The following FOXJ3 variants were observed in gnomAD, a reference collection of about 807,000 sequenced individuals.
The protein encoded by FOXJ3 is forkhead box J3.
A neutral mutation model predicts 76.1 loss-of-function variants in FOXJ3; 22 were observed. The observed-to-expected ratio is 0.29, with a 90% CI of 0.21 to 0.41. The LOEUF (loss-of-function observed/expected upper bound fraction) is 0.41. FOXJ3 is among the 10% of genes least tolerant of loss of function. The probability of loss-of-function intolerance (pLI) is 1.00; values close to 1 mark genes in which losing one functional copy is unlikely to be tolerated. For synonymous variants in FOXJ3, 269 were observed against 261.2 expected (o/e 1.03, Z -0.29); for missense variants, 613 against 762.1 (o/e 0.80, Z 2.30).
chr1:42,244,490 C>T (rs1649386254), intron 4 of FOXJ3, among the ~76,000 whole-genome samples: 2 of 152,042 alleles, frequency 1.3e-5, no homozygotes, highest in South Asian at 4.1e-4. Flanking sequence ...TCCCTCCAGA[C>T]TGGGCAATAC....
chr1:42,180,576 C>G (rs765134292), intron 12 of FOXJ3, among the ~76,000 whole-genome samples: 4 of 152,032 alleles, frequency 2.6e-5, no homozygotes, highest in Non-Finnish European at 5.9e-5. Flanking sequence ...GGAAGTTTTA[C>G]TGGATTTTTT....
intron 2 of FOXJ3, among the ~76,000 whole-genome samples, chr1:42,292,075 G>A (rs908638552): frequency 6.6e-6 from 1 of 152,034 alleles, no homozygotes; most frequent in Non-Finnish European, 1.5e-5. Flanking sequence ...CCCTGAGGAG[G>A]GGGGTGCAAG....
In FOXJ3 at chr1:42,187,371, G is replaced by A. The variant is rs553674529; in HGVS notation, c.1645+1366C>T. Among the ~76,000 whole-genome samples the A allele has an allele frequency of 2.6e-5, 4 of 152,228 alleles. No individual in the cohort carries two copies. The South Asian group carries it at 8.3e-4, about 32-fold the overall frequency. ...GACAGCACTCAGAAGCAACAATTTT[G>A]GATGAACACAGAAAGAAAAGAGGAA... On this transcript the variant is annotated intron_variant, in intron 11 of 12. Transcript: ENST00000361346.
In FOXJ3 at chr1:42,317,250, T is replaced by G. The variant is rs368905245; in HGVS notation, c.-17-6140A>C. 2.6e-5 allele frequency among the ~76,000 whole-genome samples: 4 copies of G among 152,164 alleles called. No individual in the cohort carries two copies. In the East Asian group the frequency reaches 7.7e-4, roughly 29 times the overall value. ...TTATACCATTAGTAACAGGTAATCATTAAAGCAGTCACAAAAATAATCTGT... is the reference window on the plus strand; with the variant it reads ...TTATACCATTAGTAACAGGTAATCAGTAAAGCAGTCACAAAAATAATCTGT... On this transcript the variant is annotated intron_variant, in intron 1 of 12. Coordinates refer to ENST00000361346, the MANE Select transcript of FOXJ3 (RefSeq NM_014947.5).
At chr1:42,317,356 T>C (rs1655174386) in intron 1 of FOXJ3, among the ~76,000 whole-genome samples, 1 of 152,124 alleles carries the variant, frequency 6.6e-6, no homozygotes, top group South Asian at 2.1e-4. Flanking sequence ...AAGCAATCAG[T>C]TGTTCATCCC....
chr1:42,217,827 C>A (rs969941191), intron 5 of FOXJ3, among the ~76,000 whole-genome samples: 1 of 152,132 alleles, frequency 6.6e-6, no homozygotes, highest in Admixed American at 6.6e-5. Context: ...CCCAAAACTC[C>A]TCAACTTATA....
chr1:42,333,889 T>C (rs1656305499), intron 1 of FOXJ3, among the ~76,000 whole-genome samples: 1 of 152,218 alleles, frequency 6.6e-6, no homozygotes, highest in Non-Finnish European at 1.5e-5. Flanking sequence ...ATAACGCTCC[T>C]ATGACATCAC....
At chr1:42,202,374 C>T (rs672072) in intron 6 of FOXJ3, among the ~76,000 whole-genome samples, 40,642 of 151,726 alleles carry the variant, frequency 0.27, 5,635 homozygotes, top group African/African-American at 0.34. Context: ...ATTTCTGGGT[C>T]AGTTGTGACT....
In FOXJ3 at chr1:42,263,735, A is replaced by C. The variant is rs1651240922; in HGVS notation, c.444+1380T>G. 2.6e-5 allele frequency among the ~76,000 whole-genome samples: 4 copies of C among 152,152 alleles called. No homozygotes were observed. The South Asian group carries it at 8.3e-4, about 32-fold the overall frequency. ...CTTCATCTCTAACTTCAAGAAGTTAACAGTCTAACAGAGGATACAGTATAT... is the reference window on the plus strand; with the variant it reads ...CTTCATCTCTAACTTCAAGAAGTTACCAGTCTAACAGAGGATACAGTATAT... On this transcript the variant is annotated intron_variant, in intron 4 of 12. Transcript: ENST00000361346.
intron 4 of FOXJ3, among the ~76,000 whole-genome samples, chr1:42,245,497 G>C (rs1374556308): frequency 6.6e-6 from 1 of 152,126 alleles, no homozygotes; most frequent in African/African-American, 2.4e-5. Context: ...TTACCCCAGG[G>C]ATAGAAGAAT....
chr1:42,315,228 T>C (rs1453456092), intron 1 of FOXJ3: 2 of 164,022 alleles, frequency 1.2e-5, no homozygotes, highest in African/African-American at 2.4e-5. Flanking sequence ...GGTTTCTTTT[T>C]AGAGTGATGA....
In FOXJ3 at chr1:42,235,880, G is replaced by A. The variant is rs762299671; in HGVS notation, c.445-7914C>T. On this transcript the variant is annotated intron_variant, in intron 4 of 12. Transcript: ENST00000361346. ...TTTTCTGATTTTTTGTAGAAATGGG[G>A]TCTCATCATGTTGCCCAGGTTGGTC... Among the ~76,000 whole-genome samples, 51 of 152,112 alleles carry A rather than the reference G, an allele frequency of 3.4e-4. 1 individual carries two copies. Among genetic ancestry groups the A allele is most frequent in the Middle Eastern group, 6.8e-3 (2 of 294 alleles).
At chr1:42,230,338 A>G (rs1306983619) in intron 4 of FOXJ3, among the ~76,000 whole-genome samples, 1 of 152,176 alleles carries the variant, frequency 6.6e-6, no homozygotes, top group Non-Finnish European at 1.5e-5. Flanking sequence ...TGATCAAAAA[A>G]AACAGAAAAT....
At chr1:42,334,756 T>A (rs536761498) in intron 1 of FOXJ3, among the ~76,000 whole-genome samples, 112 of 151,290 alleles carry the variant, frequency 7.4e-4, no homozygotes, top group African/African-American at 2.5e-3. Context: ...GATCCACGTC[T>A]GGTTCCCCGG....
intron 4 of FOXJ3, among the ~76,000 whole-genome samples, chr1:42,256,320 A>T (rs1291836993): frequency 6.6e-6 from 1 of 152,232 alleles, no homozygotes; most frequent in Non-Finnish European, 1.5e-5. Context: ...CATTTAAACA[A>T]CAGAAATCTA....
intron 2 of FOXJ3, among the ~76,000 whole-genome samples, chr1:42,306,200 T>A (rs1654452446): frequency 6.6e-6 from 1 of 151,584 alleles, no homozygotes; most frequent in Non-Finnish European, 1.5e-5. Context: ...AGGATTCAAA[T>A]CCATCTTATC....
At chr1:42,222,501 T>G (rs140403348) in intron 5 of FOXJ3, among the ~76,000 whole-genome samples, 2 of 152,258 alleles carry the variant, frequency 1.3e-5, no homozygotes, top group African/African-American at 4.8e-5. Context: ...CCTGCTTGAG[T>G]GAGGAGAGGG....
At chr1:42,196,493 G>C (rs557524298) in intron 7 of FOXJ3, among the ~76,000 whole-genome samples, 12 of 152,276 alleles carry the variant, frequency 7.9e-5, no homozygotes, top group African/African-American at 2.6e-4. Context: ...AGAAGTTCGA[G>C]ACCAGCCTGG....
intron 1 of FOXJ3, among the ~76,000 whole-genome samples, chr1:42,331,765 T>C (rs1656177548): frequency 6.6e-6 from 1 of 152,070 alleles, no homozygotes. Context: ...TAAAAACCAC[T>C]GACTTGTATA....
Sources: allele counts gnomAD v4.1 joint callset (sites outside exome capture counted in the v4.1 genomes callset), GRCh38; gene constraint gnomAD v4.1.1; transcripts MANE v1.5; gene names NCBI Gene and HGNC (gene_info 2026-07-23, HGNC 2026-07-21).